The following MTHFD2L variants were observed in gnomAD, a reference collection of about 807,000 sequenced individuals.
MTHFD2L encodes bifunctional methylenetetrahydrofolate dehydrogenase/cyclohydrolase 2, mitochondrial.
Under a neutral mutation model 34.9 loss-of-function variants are expected in MTHFD2L, and 29 were observed. The observed-to-expected ratio is 0.83, with a 90% CI of 0.62 to 1.13. MTHFD2L has a LOEUF of 1.13. MTHFD2L is among the 50% of genes most tolerant of loss of function. MTHFD2L has a pLI of 0.00. For missense variants in MTHFD2L, 481 were observed against 446.5 expected (o/e 1.08, Z -0.70); for synonymous variants, 167 against 155.7 (o/e 1.07, Z -0.54).
intron 5 of MTHFD2L, among the ~76,000 whole-genome samples, chr4:74,215,600 T>C (rs952976023): frequency 4.6e-5 from 7 of 151,874 alleles, no homozygotes; most frequent in Admixed American, 4.6e-4. Context: ...ACCTTCTGCA[T>C]TGATCTCGCT....
chr4:74,163,796 A>G (rs1229568288), intron 1 of MTHFD2L, among the ~76,000 whole-genome samples: 1 of 152,238 alleles, frequency 6.6e-6, no homozygotes, highest in African/African-American at 2.4e-5. Flanking sequence ...ATATAAAGCA[A>G]TTAAACTGTA....
chr4:74,134,374 C>G (rs1473841040), intron 1 of MTHFD2L, among the ~76,000 whole-genome samples: 1 of 152,180 alleles, frequency 6.6e-6, no homozygotes, highest in Non-Finnish European at 1.5e-5. Flanking sequence ...CTTTGGTCCT[C>G]CTCCTTATGG....
chr4:74,184,432 AT>A (rs920239035), intron 3 of MTHFD2L, among the ~76,000 whole-genome samples: 108 of 152,330 alleles, frequency 7.1e-4, no homozygotes, highest in African/African-American at 2.5e-3. Context: ...TAAAGAGGTC[AT>A]TTCATAATAA....
At chr4:74,255,540 C>A (rs1743919178) in intron 6 of MTHFD2L, among the ~76,000 whole-genome samples, 1 of 152,148 alleles carries the variant, frequency 6.6e-6, no homozygotes, top group African/African-American at 2.4e-5. Context: ...AGGTTTTTTA[C>A]AAGGGTATAT....
chr4:74,207,993 A>C (rs1735645138), intron 5 of MTHFD2L, among the ~76,000 whole-genome samples: 1 of 151,908 alleles, frequency 6.6e-6, no homozygotes, highest in Admixed American at 6.6e-5. Flanking sequence ...ACTGAGACTG[A>C]CACTCTTAGT....
chr4:74,163,611 A>T (rs1560429876), intron 1 of MTHFD2L, among the ~76,000 whole-genome samples: 1 of 152,196 alleles, frequency 6.6e-6, no homozygotes, highest in East Asian at 1.9e-4. Flanking sequence ...TATGAAACAA[A>T]TTTTTTTAAA....
At chr4:74,151,925 T>A (rs1337501995) in intron 1 of MTHFD2L, among the ~76,000 whole-genome samples, 7 of 152,330 alleles carry the variant, frequency 4.6e-5, no homozygotes, top group Non-Finnish European at 1.0e-4. Flanking sequence ...AATATTTTTA[T>A]ATCTAGTTTA....
At chr4:74,277,883 G>A (rs1477666642) in intron 6 of MTHFD2L, among the ~76,000 whole-genome samples, 1 of 151,988 alleles carries the variant, frequency 6.6e-6, no homozygotes, top group African/African-American at 2.4e-5. Context: ...CTAGTGCAGA[G>A]GGTTTCACTG....
chr4:74,173,353 C>G (rs1291587717), intron 1 of MTHFD2L, among the ~76,000 whole-genome samples: 1 of 152,112 alleles, frequency 6.6e-6, no homozygotes, highest in African/African-American at 2.4e-5. Flanking sequence ...TTCTTACCTT[C>G]TGAAATACTT....
intron 6 of MTHFD2L, among the ~76,000 whole-genome samples, chr4:74,279,832 GA>G: frequency 1.3e-5 from 2 of 152,194 alleles, no homozygotes. Context: ...GAAAGCAAGG[GA>G]AAAATATATC....
chr4:74,127,744 T>G (rs1001070635), intron 1 of MTHFD2L, among the ~76,000 whole-genome samples: 1 of 152,182 alleles, frequency 6.6e-6, no homozygotes, highest in Non-Finnish European at 1.5e-5. Flanking sequence ...ATACCGATTT[T>G]CTTTCTTTTG....
rs113919833 is a variant in MTHFD2L, at chr4:74,177,372, G to A, written c.451+1969G>A. 2.6e-3 allele frequency among the ~76,000 whole-genome samples: 396 copies of A among 151,846 alleles called. 2 individuals are homozygous for A. The highest frequency in any genetic ancestry group is 8.8e-3 in the African/African-American group (366 of 41,476). ...GCAGTTTTTGAAATTTTCTCTACTT[G>A]GCATTTCTACGACATTTCAATAACT... On this transcript the variant is annotated intron_variant, in intron 3 of 7. Transcript: ENST00000325278.
intron 6 of MTHFD2L, among the ~76,000 whole-genome samples, chr4:74,232,791 A>G (rs1740272779): frequency 6.6e-6 from 1 of 152,194 alleles, no homozygotes; most frequent in African/African-American, 2.4e-5. Context: ...TAGCAGCTCT[A>G]CACCATGTAC....
chr4:74,157,525 A>C, upstream of MTHFD2L: 1 of 388,452 alleles, frequency 2.6e-6, no homozygotes, highest in Non-Finnish European at 5.1e-6. Context: ...ACTCAGGAAA[A>C]GACAGATATT....
intron 6 of MTHFD2L, among the ~76,000 whole-genome samples, chr4:74,230,638 G>A (rs79426701): frequency 0.01 from 1,575 of 151,624 alleles, 34 homozygotes; most frequent in African/African-American, 0.036. Flanking sequence ...TGGGAAAGGT[G>A]AAGAAAGAGT....
chr4:74,215,318 T>C (rs753239174), intron 5 of MTHFD2L, among the ~76,000 whole-genome samples: 30 of 151,726 alleles, frequency 2.0e-4, no homozygotes, highest in Non-Finnish European at 3.4e-4. Flanking sequence ...CCCAGGGCCC[T>C]AGTGGCGTAG....
At chr4:74,163,683 C>T (rs965633559) in intron 1 of MTHFD2L, among the ~76,000 whole-genome samples, 13 of 152,134 alleles carry the variant, frequency 8.5e-5, no homozygotes, top group African/African-American at 3.1e-4. Context: ...TCAAAAGACT[C>T]CCTATACTGG....
intron 6 of MTHFD2L, among the ~76,000 whole-genome samples, chr4:74,265,730 C>A (rs765015299): frequency 6.6e-6 from 1 of 152,094 alleles, no homozygotes; most frequent in Non-Finnish European, 1.5e-5. Flanking sequence ...GTCATGCATA[C>A]TATTTTTGTC....
rs1301831537 is a variant in MTHFD2L, at chr4:74,158,265, C to T, written c.127C>T (p.Arg43Trp). ...GEPGSAFRGF[R>W]SSGVRHEAII... ...GCCCGGGAGTGCGTTCCGGGGCTTT[C>T]GGAGCAGCGGTGTGAGGTACGAGGG... Residue 43 changes from arginine to tryptophan, a missense_variant, in exon 1 of 8, where the codon CGG becomes TGG. By Grantham distance (101) the Arg-to-Trp change is moderately radical. Transcript: ENST00000325278. The T allele has an allele frequency of 7.0e-7, 1 of 1,438,522 alleles. No homozygotes were observed. Among genetic ancestry groups the T allele is most frequent in the Non-Finnish European group, 9.1e-7 (1 of 1,097,870 alleles). 89.1% of individuals were successfully genotyped at this position (1,438,522 alleles called of 1,614,324 possible).
Sources: gnomAD v4.1 joint callset for allele counts (sites outside exome capture counted in the v4.1 genomes callset) on GRCh38, gnomAD v4.1.1 for gene constraint, MANE v1.5 for transcripts, NCBI Gene and HGNC (gene_info 2026-07-23, HGNC 2026-07-21) for gene names.